The following RASEF variants were observed in gnomAD, a reference collection of about 807,000 sequenced individuals.
RASEF encodes RAS and EF-hand domain containing, also known as ras and EF-hand domain-containing protein.
RASEF carries 68 observed loss-of-function variants against 90.1 expected under a neutral mutation model. That is an observed-to-expected ratio of 0.75 (90% confidence interval 0.62 to 0.92). RASEF has a LOEUF of 0.92. Among genes scored for constraint, RASEF ranks in the 40% least tolerant of loss-of-function variants. The pLI, the probability that RASEF is intolerant of heterozygous loss-of-function variation, is 0.00. For missense variants in RASEF, 949 were observed against 937.2 expected, an observed-to-expected ratio of 1.01 and a Z score of -0.16; for synonymous variants, 331 against 345.2, an observed-to-expected ratio of 0.96 and a Z score of 0.46.
the RASEF span, among the ~76,000 whole-genome samples, chr9:83,081,035 T>A: frequency 6.6e-6 from 1 of 152,160 alleles, no homozygotes; most frequent in African/African-American, 2.4e-5. Flanking sequence ...CTCTCTGTGT[T>A]CCAAGCCCCT....
At chr9:83,200,843 G>C in the RASEF span, 1 of 152,178 alleles carries the variant, frequency 6.6e-6, no homozygotes, top group African/African-American at 2.4e-5. Flanking sequence ...AGATTACCAA[G>C]GAAACAATGC....
the RASEF span, among the ~76,000 whole-genome samples, chr9:83,089,474 G>C: frequency 6.6e-6 from 1 of 152,090 alleles, no homozygotes; most frequent in African/African-American, 2.4e-5. Flanking sequence ...AGATCTGCTA[G>C]TAAAAAACTC....
intron 12 of RASEF, among the ~76,000 whole-genome samples, chr9:82,998,743 G>A (rs530304433): frequency 3.9e-3 from 594 of 152,250 alleles, no homozygotes; most frequent in Middle Eastern, 0.014. Context: ...ATATTTGTGT[G>A]TGTGTGTGTG....
the RASEF span, among the ~76,000 whole-genome samples, chr9:83,165,924 T>C: frequency 6.6e-6 from 1 of 152,132 alleles, no homozygotes; most frequent in African/African-American, 2.4e-5. Context: ...AATGGGCCAA[T>C]TCCTTGAAAG....
At chr9:83,165,247 T>C in the RASEF span, among the ~76,000 whole-genome samples, 1 of 152,088 alleles carries the variant, frequency 6.6e-6, no homozygotes, top group Admixed American at 6.6e-5. Flanking sequence ...AAACAGATCA[T>C]ATTCTGGGCC....
chr9:83,171,428 A>C, the RASEF span, among the ~76,000 whole-genome samples: 3 of 151,892 alleles, frequency 2.0e-5, no homozygotes, highest in African/African-American at 7.2e-5. Flanking sequence ...TTTTGGTATC[A>C]GAATGATGCT....
chr9:83,210,524 G>T, the RASEF span, among the ~76,000 whole-genome samples: 1 of 152,152 alleles, frequency 6.6e-6, no homozygotes, highest in Non-Finnish European at 1.5e-5. Context: ...CCTCAGACTG[G>T]CAGCACGCCT....
chr9:82,991,774 T>C (rs186592439), intron 15 of RASEF, among the ~76,000 whole-genome samples: 6 of 152,328 alleles, frequency 3.9e-5, no homozygotes, highest in African/African-American at 1.2e-4. Flanking sequence ...AAGCAAACTT[T>C]GGGAACTCTG....
chr9:83,189,027 C>A, the RASEF span, among the ~76,000 whole-genome samples: 1 of 152,148 alleles, frequency 6.6e-6, no homozygotes, highest in Admixed American at 6.5e-5. Flanking sequence ...CTGGACAAGA[C>A]CTTTGAATTG....
intron 14 of RASEF, among the ~76,000 whole-genome samples, chr9:82,994,573 C>T (rs776678880): frequency 6.6e-6 from 1 of 152,144 alleles, no homozygotes; most frequent in Admixed American, 6.5e-5. Context: ...ACACAAGCTC[C>T]ATAAGGACAG....
chr9:83,120,671 G>C, the RASEF span, among the ~76,000 whole-genome samples: 2 of 152,164 alleles, frequency 1.3e-5, no homozygotes, highest in Admixed American at 6.5e-5. Flanking sequence ...TCTTCAAGTA[G>C]AAGTCTGAAG....
At chr9:83,026,448 G>A (rs922274737) in intron 1 of RASEF, among the ~76,000 whole-genome samples, 2 of 152,160 alleles carry the variant, frequency 1.3e-5, no homozygotes, top group African/African-American at 4.8e-5. Flanking sequence ...GGCAGAAGGG[G>A]AAGCAAGGAT....
At chr9:83,053,004 A>G (rs1830046420) in intron 1 of RASEF, among the ~76,000 whole-genome samples, 1 of 117,836 alleles carries the variant, frequency 8.5e-6, no homozygotes, top group African/African-American at 3.8e-5. Context: ...GTGGTGCTGA[A>G]AAAAATGTAT....
At chr9:83,170,767 T>C in the RASEF span, among the ~76,000 whole-genome samples, 1 of 151,996 alleles carries the variant, frequency 6.6e-6, no homozygotes, top group African/African-American at 2.4e-5. Flanking sequence ...GTACGTTAAT[T>C]TTGTAGCCTC....
At chr9:83,148,819 G>C in the RASEF span, among the ~76,000 whole-genome samples, 4 of 152,202 alleles carry the variant, frequency 2.6e-5, no homozygotes, top group Non-Finnish European at 5.9e-5. Flanking sequence ...CTCATGGGGA[G>C]CTGGGGAGAA....
intron 4 of RASEF, 53 bp from the exon 5 acceptor site, chr9:83,012,564 G>T: frequency 8.6e-7 from 1 of 1,162,730 alleles, no homozygotes; most frequent in Non-Finnish European, 1.2e-6. Flanking sequence ...GAATTGCTTT[G>T]GTTAAGTTTA....
the RASEF span, among the ~76,000 whole-genome samples, chr9:83,178,409 A>G: frequency 6.6e-6 from 1 of 152,152 alleles, no homozygotes; most frequent in Non-Finnish European, 1.5e-5. Context: ...CAGCCATAAA[A>G]TGGCTGTCTT....
At chr9:83,046,141 A>G (rs1172650030) in intron 1 of RASEF, among the ~76,000 whole-genome samples, 1 of 152,154 alleles carries the variant, frequency 6.6e-6, no homozygotes, top group Non-Finnish European at 1.5e-5. Context: ...TTACATAGGT[A>G]AACTCGTGTC....
the RASEF span, among the ~76,000 whole-genome samples, chr9:83,110,643 A>G: frequency 6.6e-6 from 1 of 152,164 alleles, no homozygotes; most frequent in Non-Finnish European, 1.5e-5. Flanking sequence ...CCTTAAACAG[A>G]TTCTTCAGCG....
Sources: allele counts gnomAD v4.1 joint callset (sites outside exome capture counted in the v4.1 genomes callset), GRCh38; gene constraint gnomAD v4.1.1; transcripts MANE v1.5; gene names NCBI Gene and HGNC (gene_info 2026-07-23, HGNC 2026-07-21).